Variants in PPP2R5E observed in about 807,000 individuals in gnomAD.
PPP2R5E encodes the protein serine/threonine-protein phosphatase 2A 56 kDa regulatory subunit epsilon isoform.
Under a neutral mutation model 65.3 loss-of-function variants are expected in PPP2R5E, and 4 were observed. That is an observed-to-expected ratio of 0.06 (90% CI 0.03 to 0.14). The LOEUF is 0.14. Ranked by LOEUF, PPP2R5E falls within the 10% of genes least tolerant of loss-of-function variation. The pLI, the probability that PPP2R5E is intolerant of heterozygous loss-of-function variation, is 1.00. For synonymous variants in PPP2R5E, 183 were observed against 187.4 expected, an observed-to-expected ratio of 0.98 and a Z score of 0.19; for missense variants, 274 against 556.1, an observed-to-expected ratio of 0.49 and a Z score of 5.10.
chr14:63,414,316 C>T (rs1032846935), intron 5 of PPP2R5E, among the ~76,000 whole-genome samples: 2 of 152,150 alleles, frequency 1.3e-5, no homozygotes, highest in African/African-American at 4.8e-5. Flanking sequence ...CAGGGTCTTG[C>T]TCTTTTGCCC....
intron 4 of PPP2R5E, among the ~76,000 whole-genome samples, chr14:63,419,377 T>C (rs1164358816): frequency 6.6e-6 from 1 of 152,224 alleles, no homozygotes; most frequent in Non-Finnish European, 1.5e-5. Flanking sequence ...GGTCTAAAAC[T>C]ATGCTGTGTT....
intron 7 of PPP2R5E, 141 bp from the exon 8 acceptor site, chr14:63,394,069 CCT>C: frequency 6.5e-6 from 2 of 306,672 alleles, no homozygotes; most frequent in South Asian, 7.2e-5. Flanking sequence ...TTCAGAATTT[CCT>C]TTTTTTTTTT....
At chr14:63,529,939 G>A (rs1893343151) in intron 2 of PPP2R5E, among the ~76,000 whole-genome samples, 1 of 152,146 alleles carries the variant, frequency 6.6e-6, no homozygotes, top group Non-Finnish European at 1.5e-5. Flanking sequence ...GGTAAGGGTA[G>A]ATGCATATGT....
At chr14:63,382,023 T>G in intron 13 of PPP2R5E, 33 bp downstream of exon 13, 1 of 1,553,830 alleles carries the variant, frequency 6.4e-7, no homozygotes, top group South Asian at 1.2e-5. Context: ...AATAGCTTTA[T>G]GCACAGCTGA....
At chr14:63,471,297 T>C (rs1387166777) in intron 2 of PPP2R5E, among the ~76,000 whole-genome samples, 1 of 152,156 alleles carries the variant, frequency 6.6e-6, no homozygotes, top group Non-Finnish European at 1.5e-5. Flanking sequence ...GAAAATATCA[T>C]GATCTCCTAC....
intron 4 of PPP2R5E, among the ~76,000 whole-genome samples, chr14:63,418,446 TAAGAG>T (rs1355919378): frequency 1.3e-5 from 2 of 152,208 alleles, no homozygotes; most frequent in African/African-American, 4.8e-5. Context: ...TCTCTGCACT[TAAGAG>T]AAAGATTCTA....
At chr14:63,520,054 G>T (rs1339580867) in intron 2 of PPP2R5E, among the ~76,000 whole-genome samples, 1 of 150,958 alleles carries the variant, frequency 6.6e-6, no homozygotes, top group Non-Finnish European at 1.5e-5. Context: ...AACATTTTTT[G>T]AAACGGAGTC....
At chr14:63,490,373 CA>C (rs747003427) in intron 2 of PPP2R5E, among the ~76,000 whole-genome samples, 4 of 151,994 alleles carry the variant, frequency 2.6e-5, no homozygotes, top group Non-Finnish European at 4.4e-5. Flanking sequence ...GCAATAAAAT[CA>C]AAAGTTGACA....
At chr14:63,388,015 T>A (rs1349884980) in intron 11 of PPP2R5E, among the ~76,000 whole-genome samples, 1 of 152,230 alleles carries the variant, frequency 6.6e-6, no homozygotes, top group Non-Finnish European at 1.5e-5. Flanking sequence ...TAAATGTCGT[T>A]TAAGTCGCCA....
In PPP2R5E at chr14:63,372,540, G is replaced by A. The variant is rs1243106263; in HGVS notation, c.*3469C>T. On this transcript the variant is annotated 3_prime_UTR_variant, in exon 14 of 14. Coordinates refer to ENST00000337537, the MANE Select transcript of PPP2R5E (RefSeq NM_006246.5). The stretch of plus-strand genomic sequence containing the variant: ...TCTCTTCATTTCCTGGGCCAGGTCA[G>A]TGCATCCAATTAAAAGGAAAAAAGG... 6.6e-6 allele frequency: 1 copy of A among 151,654 alleles called. No individual in the cohort carries two copies. Among genetic ancestry groups the A allele is most frequent in the Non-Finnish European group, 1.5e-5 (1 of 67,996 alleles). 9.4% of individuals were successfully genotyped at this position (151,654 alleles called of 1,614,324 possible).
At chr14:63,461,626 G>A (rs749352456) in intron 2 of PPP2R5E, among the ~76,000 whole-genome samples, 18 of 130,374 alleles carry the variant, frequency 1.4e-4, no homozygotes, top group Non-Finnish European at 2.4e-4. Flanking sequence ...GCGAGATCGC[G>A]TCTCTACAAA....
chr14:63,396,471 G>T, intron 6 of PPP2R5E, 115 bp downstream of exon 6: 1 of 1,357,302 alleles, frequency 7.4e-7, no homozygotes, highest in Non-Finnish European at 1.0e-6. Context: ...AAGGAAGGCA[G>T]GCAGAAAGGG....
chr14:63,379,866 A>C (rs1884229205), intron 13 of PPP2R5E, among the ~76,000 whole-genome samples: 2 of 112,034 alleles, frequency 1.8e-5, no homozygotes, highest in Non-Finnish European at 1.7e-5. Context: ...ACAGAGTCTC[A>C]CTCCAATGTC....
intron 2 of PPP2R5E, among the ~76,000 whole-genome samples, chr14:63,515,535 C>CTT (rs200790475): frequency 6.9e-6 from 1 of 145,614 alleles, no homozygotes. Context: ...TTCACAGACA[C>CTT]TTTTTTTTTT....
chr14:63,541,201 A>G (rs1893890279), intron 1 of PPP2R5E, among the ~76,000 whole-genome samples: 1 of 152,244 alleles, frequency 6.6e-6, no homozygotes. Flanking sequence ...AAACACATAA[A>G]AGGCATAATT....
chr14:63,431,770 G>T (rs1457459829), intron 3 of PPP2R5E, among the ~76,000 whole-genome samples: 1 of 152,050 alleles, frequency 6.6e-6, no homozygotes, highest in Non-Finnish European at 1.5e-5. Flanking sequence ...TCCGGAAGAG[G>T]ATTTAAAAGG....
chr14:63,416,763 T>G (rs1886712445), intron 4 of PPP2R5E, among the ~76,000 whole-genome samples: 1 of 152,152 alleles, frequency 6.6e-6, no homozygotes, highest in African/African-American at 2.4e-5. Flanking sequence ...AGAAAGCCAT[T>G]GTTTTATAGT....
intron 12 of PPP2R5E, among the ~76,000 whole-genome samples, chr14:63,382,915 T>TTTTA (rs1555354611): frequency 6.6e-6 from 1 of 151,834 alleles, no homozygotes; most frequent in East Asian, 1.9e-4. Context: ...GAAACAAATG[T>TTTTA]TATATATATA....
rs60123490 is a variant in PPP2R5E at position 63,430,377 on chromosome 14, GCATACATA to G, written c.355-8291_355-8284del. ...TACATACATACATACATACATGCAT[GCATACATA>G]CATACATACATACATGCATACATAC... On this transcript the variant is annotated intron_variant, in intron 3 of 13. Transcript: ENST00000337537. Among the ~76,000 whole-genome samples the G allele has an allele frequency of 9.0e-4, 123 of 137,022 alleles. No homozygotes were observed. In the East Asian group the frequency reaches 0.02, roughly 22 times the overall value. 89.9% of individuals were successfully genotyped at this position (137,022 alleles called of 152,430 possible).
Sources: allele counts gnomAD v4.1 joint callset (sites outside exome capture counted in the v4.1 genomes callset), GRCh38; gene constraint gnomAD v4.1.1; transcripts MANE v1.5; gene names NCBI Gene and HGNC (gene_info 2026-07-23, HGNC 2026-07-21).